Variants in SGPP2 observed in about 807,000 individuals in gnomAD.
The protein encoded by SGPP2 is sphingosine 1-phosphate phosphohydrolase 2.
A neutral mutation model predicts 33.9 loss-of-function variants in SGPP2; 30 were observed. That is an observed-to-expected ratio of 0.89 (90% CI 0.66 to 1.20). The LOEUF (loss-of-function observed/expected upper bound fraction) is 1.20. Ranked by LOEUF, SGPP2 falls within the 50% of genes most tolerant of loss-of-function variation. SGPP2 has a pLI of 0.00. For synonymous variants in SGPP2, 233 were observed against 225.0 expected (o/e 1.04, Z -0.32); for missense variants, 458 against 532.1 (o/e 0.86, Z 1.37).
chr2:222,544,140 A>C (rs1689137115), intron 4 of SGPP2, among the ~76,000 whole-genome samples: 2 of 152,202 alleles, frequency 1.3e-5, no homozygotes, highest in Non-Finnish European at 2.9e-5. Flanking sequence ...CTAAGGAGGC[A>C]CTATTATTAT....
chr2:222,443,088 A>T (rs965800779), intron 1 of SGPP2, among the ~76,000 whole-genome samples: 4 of 152,244 alleles, frequency 2.6e-5, no homozygotes, highest in Admixed American at 2.6e-4. Context: ...AAACTGTGAC[A>T]ATCTTAAAAT....
intron 4 of SGPP2, among the ~76,000 whole-genome samples, chr2:222,535,405 G>A (rs1323596549): frequency 6.6e-6 from 1 of 151,794 alleles, no homozygotes; most frequent in Non-Finnish European, 1.5e-5. Context: ...CACAGTGGGG[G>A]CACTGTTTTC....
chr2:222,437,921 A>G (rs1050261213), intron 1 of SGPP2, among the ~76,000 whole-genome samples: 1 of 152,174 alleles, frequency 6.6e-6, no homozygotes, highest in African/African-American at 2.4e-5. Context: ...TAGCATCCCT[A>G]TCTGCCACTG....
intron 4 of SGPP2, among the ~76,000 whole-genome samples, chr2:222,533,590 C>G (rs1698869607): frequency 6.6e-6 from 1 of 152,158 alleles, no homozygotes; most frequent in Non-Finnish European, 1.5e-5. Flanking sequence ...CTAGTTTAAG[C>G]TTACAGGGAA....
At chr2:222,483,761 A>G (rs1333294429) in intron 2 of SGPP2, among the ~76,000 whole-genome samples, 1 of 152,186 alleles carries the variant, frequency 6.6e-6, no homozygotes, top group African/African-American at 2.4e-5. Flanking sequence ...CAATCCTTAG[A>G]CTGGGGTCAG....
At chr2:222,516,857 C>T (rs1261612072) in intron 2 of SGPP2, among the ~76,000 whole-genome samples, 1 of 152,188 alleles carries the variant, frequency 6.6e-6, no homozygotes, top group Non-Finnish European at 1.5e-5. Context: ...TTTCTACGTG[C>T]CAGGTACTAT....
At chr2:222,429,800 C>T (rs942332625) in intron 1 of SGPP2, among the ~76,000 whole-genome samples, 1 of 152,196 alleles carries the variant, frequency 6.6e-6, no homozygotes, top group Non-Finnish European at 1.5e-5. Context: ...TATTATTGCT[C>T]TTAATAGCTA....
chr2:222,497,306 G>T (rs190549000), intron 2 of SGPP2, among the ~76,000 whole-genome samples: 2 of 141,232 alleles, frequency 1.4e-5, no homozygotes, highest in South Asian at 4.5e-4. Flanking sequence ...AGGCTGGAGT[G>T]CAATGGTGCA....
At position 222,465,581 on chromosome 2, in the gene SGPP2, A is replaced by G. The variant is rs1697733073; in HGVS notation, c.220-8987A>G. Among the ~76,000 whole-genome samples, 1 of 152,250 alleles carries G rather than the reference A, an allele frequency of 6.6e-6. No homozygotes were observed. ...GGGAATTAATGATATTTTCTCACCA[A>G]GTTTAAGAAATCAAAAAACAAAAGA... is the stretch of plus-strand genomic sequence containing the variant. On this transcript the variant is annotated intron_variant, in intron 1 of 4. Coordinates refer to ENST00000321276, the MANE Select transcript of SGPP2 (RefSeq NM_152386.4). The surrounding 1 kb of genome is among the most constrained non-coding windows in gnomAD (Gnocchi z 4.1).
chr2:222,558,095 C>T (rs62188479), intron 4 of SGPP2, among the ~76,000 whole-genome samples: 14,429 of 152,096 alleles, frequency 0.095, 874 homozygotes, highest in South Asian at 0.21. Flanking sequence ...AAAACAAATA[C>T]AGAATTTATT....
intron 1 of SGPP2, among the ~76,000 whole-genome samples, chr2:222,451,751 C>G (rs1205658167): frequency 1.3e-5 from 2 of 152,166 alleles, no homozygotes; most frequent in Non-Finnish European, 2.9e-5. Context: ...GGGAAAAGAT[C>G]TATAAATTCA....
At chr2:222,523,405 C>T (rs1452167330) in intron 3 of SGPP2, among the ~76,000 whole-genome samples, 1 of 152,190 alleles carries the variant, frequency 6.6e-6, no homozygotes, top group African/African-American at 2.4e-5. Flanking sequence ...CACCAGCTCC[C>T]ATTGGGTTGA....
At chr2:222,481,261 A>G (rs1698025278) in intron 2 of SGPP2, among the ~76,000 whole-genome samples, 1 of 152,232 alleles carries the variant, frequency 6.6e-6, no homozygotes, top group South Asian at 2.1e-4. Flanking sequence ...TTGAAATAAA[A>G]AAGAAAAATG....
At chr2:222,478,984 T>C (rs1481515885) in intron 2 of SGPP2, among the ~76,000 whole-genome samples, 1 of 152,242 alleles carries the variant, frequency 6.6e-6, no homozygotes, top group Non-Finnish European at 1.5e-5. Flanking sequence ...ATTGAGCATT[T>C]AGTATATATG....
At chr2:222,499,538 G>A (rs1216143623) in intron 2 of SGPP2, among the ~76,000 whole-genome samples, 2 of 152,126 alleles carry the variant, frequency 1.3e-5, no homozygotes, top group African/African-American at 2.4e-5. Flanking sequence ...TTCTACCTGG[G>A]AGAAACCTTA....
In SGPP2 at chr2:222,521,945, A is replaced by G. The variant is rs1698693409; in HGVS notation, c.557A>G (p.Gln186Arg). ...CTTATCTCTACTATGGACAGATACC[A>G]GGTAAGGTGGCCTGGTTCTTCTTCC... ...TLLISTMDRY[Q>R]YPFVLGLVMA... Residue 186 changes from glutamine (Q) to arginine (R), a missense_variant and splice_region_variant, in exon 3 of 5, where the codon CAG (glutamine) becomes CGG (arginine). Physicochemically the swap from Gln to Arg is conservative, Grantham distance 43 (BLOSUM62 1). Transcript: ENST00000321276. 1.3e-6 allele frequency: 2 copies of G among 1,515,546 alleles called. No homozygotes were observed. The highest frequency in any genetic ancestry group is 2.5e-5 in the East Asian group (1 of 40,060). The allele number at this position is 1,515,546 out of a possible 1,614,324, so 93.9% of individuals were successfully genotyped here. A position where few individuals can be genotyped will look rare whatever the true frequency, so the allele number is the denominator to read the frequency against.
rs749464413 is a variant in SGPP2 at position 222,508,023 on chromosome 2, C to T, written c.379-13744C>T. Among the ~76,000 whole-genome samples the T allele has an allele frequency of 6.2e-4, 94 of 152,248 alleles. 1 individual carries two copies. Among genetic ancestry groups the T allele is most frequent in the Admixed American group, 1.1e-3 (17 of 15,286 alleles). ...TTCCTAGGACTGAAGACACTCGTTC[C>T]CTCAGTGGGAGTCATTTGGATGTGA... is the stretch of plus-strand genomic sequence containing the variant. On this transcript the variant is annotated intron_variant, in intron 2 of 4. Coordinates refer to ENST00000321276, the MANE Select transcript of SGPP2 (RefSeq NM_152386.4).
At chr2:222,455,740 C>A (rs936754641) in intron 1 of SGPP2, among the ~76,000 whole-genome samples, 12 of 152,160 alleles carry the variant, frequency 7.9e-5, no homozygotes, top group African/African-American at 2.9e-4. Flanking sequence ...GGATATAACT[C>A]ACATACAATG....
intron 1 of SGPP2, among the ~76,000 whole-genome samples, chr2:222,435,908 C>T (rs983499991): frequency 1.3e-5 from 2 of 152,218 alleles, no homozygotes; most frequent in Admixed American, 6.5e-5. Flanking sequence ...TTTTTTTCCT[C>T]GTAGAGTGAT....
Sources: gnomAD v4.1 joint callset for allele counts (sites outside exome capture counted in the v4.1 genomes callset) on GRCh38, gnomAD v4.1.1 for gene constraint, Gnocchi (gnomAD v3.1) non-coding constraint, MANE v1.5 for transcripts, NCBI Gene and HGNC (gene_info 2026-07-23, HGNC 2026-07-21) for gene names.